PEAK1: variants seen among roughly 807,000 people sequenced by gnomAD.
PEAK1 encodes the protein pseudopodium enriched atypical kinase 1.
In PEAK1, 54 loss-of-function variants were observed where a neutral mutation model predicts 124.7. The ratio of observed to expected loss-of-function variants is 0.43; its 90% CI spans 0.35 to 0.54. The LOEUF (loss-of-function observed/expected upper bound fraction) is 0.54, where lower values mean the gene tolerates loss of function less well. PEAK1 is among the 20% of genes least tolerant of loss of function. The probability of loss-of-function intolerance (pLI) is 0.01; values close to 1 mark genes in which losing one functional copy is unlikely to be tolerated. For synonymous variants in PEAK1, 719 were observed against 760.0 expected (o/e 0.95, Z 0.89); for missense variants, 2,046 against 2,134.5 (o/e 0.96, Z 0.82).
intron 5 of PEAK1, among the ~76,000 whole-genome samples, chr15:77,276,571 AAAG>A (rs2062340082): frequency 1.3e-5 from 2 of 152,120 alleles, no homozygotes; most frequent in African/African-American, 4.8e-5. Flanking sequence ...ATCTGCTCTA[AAAG>A]AATAAAGAAA....
At chr15:77,292,753 G>A (rs765397379) in intron 2 of PEAK1, among the ~76,000 whole-genome samples, 2 of 152,112 alleles carry the variant, frequency 1.3e-5, no homozygotes, top group East Asian at 1.9e-4. Flanking sequence ...TTGGAAATAC[G>A]CAGTTAGTGA....
chr15:77,216,587 G>T (rs1397580306), intron 6 of PEAK1, among the ~76,000 whole-genome samples: 1 of 152,178 alleles, frequency 6.6e-6, no homozygotes, highest in Non-Finnish European at 1.5e-5. Flanking sequence ...CTTCTTTTAA[G>T]AAGCGACAAC....
intron 7 of PEAK1, among the ~76,000 whole-genome samples, chr15:77,160,696 C>T (rs1001079760): frequency 6.6e-6 from 1 of 151,878 alleles, no homozygotes; most frequent in Admixed American, 6.6e-5. Flanking sequence ...AGCCCCCACA[C>T]TTGAAAGAAA....
At chr15:77,154,776 T>C (rs2152777883) in intron 8 of PEAK1, among the ~76,000 whole-genome samples, 1 of 152,034 alleles carries the variant, frequency 6.6e-6, no homozygotes, top group African/African-American at 2.4e-5. Context: ...AAATTGTGGG[T>C]TGAAAATTCT....
At chr15:77,336,645 C>G (rs2066218381) in intron 2 of PEAK1, 1 of 560,100 alleles carries the variant, frequency 1.8e-6, no homozygotes, top group African/African-American at 2.1e-5. Flanking sequence ...GGACATCCAA[C>G]AACAGATCAA....
At chr15:77,251,377 T>C (rs188660513) in intron 6 of PEAK1, among the ~76,000 whole-genome samples, 60 of 152,322 alleles carry the variant, frequency 3.9e-4, no homozygotes, top group African/African-American at 1.4e-3. Context: ...TCTCCTTTAC[T>C]ATTTTGGATT....
intron 1 of PEAK1, among the ~76,000 whole-genome samples, chr15:77,375,579 T>G (rs2068942204): frequency 6.6e-6 from 1 of 152,232 alleles, no homozygotes; most frequent in South Asian, 2.1e-4. Flanking sequence ...TGTAGCCAGT[T>G]GGCTTAAGAG....
At chr15:77,141,641 A>G (rs907396522) in intron 8 of PEAK1, among the ~76,000 whole-genome samples, 1 of 152,200 alleles carries the variant, frequency 6.6e-6, no homozygotes, top group Non-Finnish European at 1.5e-5. Flanking sequence ...ACAAAATTAT[A>G]GTAATCAAGA....
chr15:77,212,913 C>A (rs2058971186), intron 6 of PEAK1, among the ~76,000 whole-genome samples: 1 of 151,948 alleles, frequency 6.6e-6, no homozygotes, highest in African/African-American at 2.4e-5. Flanking sequence ...ATATAAAGAT[C>A]AATGTAATAC....
intron 2 of PEAK1, among the ~76,000 whole-genome samples, chr15:77,343,887 G>A (rs1237428691): frequency 6.6e-6 from 1 of 152,040 alleles, no homozygotes; most frequent in African/African-American, 2.4e-5. Context: ...TTTAGTTTTA[G>A]CTTTTATGTT....
In PEAK1 at chr15:77,181,176, T is replaced by G; in HGVS notation, c.751A>C (p.Ser251Arg). 6.2e-7 allele frequency: 1 copy of G among 1,614,118 alleles called. No homozygotes were observed. The highest frequency in any genetic ancestry group is 8.5e-7 in the Non-Finnish European group (1 of 1,180,012). ...LFSNMEEEHE[S>R]WDESDEELLA... ...AGCTCTTCATCACTCTCATCCCAAC[T>G]CTCGTGCTCCTCCTCCATGTTACTG... The change falls in exon 7 of 10, where the codon AGT (serine) becomes CGT (arginine). Residue 251 changes from serine (S) to arginine (R), a missense_variant. Ser to Arg is a moderately radical substitution (Grantham distance 110). Coordinates refer to ENST00000682557, the MANE Select transcript of PEAK1 (RefSeq NM_001385026.1).
intron 9 of PEAK1, among the ~76,000 whole-genome samples, chr15:77,125,955 G>A (rs908368021): frequency 4.6e-5 from 7 of 152,170 alleles, no homozygotes; most frequent in Admixed American, 2.6e-4. Flanking sequence ...TGCCAAAGCC[G>A]AGTAGCATTA....
At chr15:77,291,583 C>G (rs894196068) in intron 2 of PEAK1, among the ~76,000 whole-genome samples, 1 of 151,968 alleles carries the variant, frequency 6.6e-6, no homozygotes. Flanking sequence ...CTTCAATATT[C>G]CATTTTATGA....
chr15:77,267,127 CCTGGGAACATAA>C (rs1285392634), intron 5 of PEAK1, among the ~76,000 whole-genome samples: 1 of 152,070 alleles, frequency 6.6e-6, no homozygotes, highest in Admixed American at 6.6e-5. Flanking sequence ...CCATAATCTT[CCTGGGAACATAA>C]CTGGGAACAT....
intron 6 of PEAK1, among the ~76,000 whole-genome samples, chr15:77,194,625 G>A (rs1236100026): frequency 2.0e-5 from 3 of 151,762 alleles, no homozygotes; most frequent in Non-Finnish European, 2.9e-5. Context: ...TCCACCCCCC[G>A]ACCCCCACTA....
In PEAK1 at chr15:77,129,126, C is replaced by T. The variant is rs2052629469; in HGVS notation, c.4077+3879G>A. Among the ~76,000 whole-genome samples, 2 of 152,286 alleles carry T rather than the reference C, an allele frequency of 1.3e-5. 1 individual carries two copies. The highest frequency in any genetic ancestry group is 4.1e-4 in the South Asian group (2 of 4,826). ...AAGAGATACCAGTGCATAGCCTCTC[C>T]CTTGCACTCTCTTCCTTCCTCTCTC... On this transcript the variant is annotated intron_variant, in intron 9 of 9. Coordinates refer to ENST00000682557, the MANE Select transcript of PEAK1 (RefSeq NM_001385026.1).
chr15:77,214,826 CATG>C (rs1374105239), intron 6 of PEAK1, among the ~76,000 whole-genome samples: 2 of 152,026 alleles, frequency 1.3e-5, no homozygotes, highest in Non-Finnish European at 2.9e-5. Flanking sequence ...CCAGATCTCT[CATG>C]ATAACTCTAT....
intron 2 of PEAK1, chr15:77,348,009 A>C: frequency 1.0e-6 from 1 of 985,362 alleles, no homozygotes. Context: ...TAGTGCTATA[A>C]TGTTAAAATT....
chr15:77,313,207 T>A (rs973277802), intron 2 of PEAK1, among the ~76,000 whole-genome samples: 1 of 152,104 alleles, frequency 6.6e-6, no homozygotes, highest in Non-Finnish European at 1.5e-5. Flanking sequence ...TATGGGTATG[T>A]CAAAGGGGCG....
Sources: allele counts gnomAD v4.1 joint callset (sites outside exome capture counted in the v4.1 genomes callset), GRCh38; gene constraint gnomAD v4.1.1; transcripts MANE v1.5; gene names NCBI Gene and HGNC (gene_info 2026-07-23, HGNC 2026-07-21).